The following DLL3 variants were observed in gnomAD, a reference collection of about 807,000 sequenced individuals.
DLL3 encodes the protein delta-like protein 3.
DLL3 carries 49 observed loss-of-function variants against 55.0 expected under a neutral mutation model. The observed-to-expected ratio is 0.89, with a 90% CI of 0.71 to 1.13. DLL3 has a LOEUF of 1.13. DLL3 is among the 50% of genes most tolerant of loss of function. The pLI is 0.00. For synonymous variants in DLL3, 421 were observed against 385.2 expected, an observed-to-expected ratio of 1.09 and a Z score of -1.09; for missense variants, 962 against 875.5, an observed-to-expected ratio of 1.10 and a Z score of -1.25.
intron 6 of DLL3, 59 bp from the exon 7 acceptor site, chr19:39,506,980 C>A: frequency 6.6e-7 from 1 of 1,505,418 alleles, no homozygotes; most frequent in South Asian, 1.2e-5. Context: ...TGGGAAACAG[C>A]GCGGGCAGGT....
Position 39,508,395 on chromosome 19 carries a change from A to T in DLL3, c.*138A>T. The T allele has an allele frequency of 1.1e-6, 1 of 939,610 alleles. No individual in the cohort carries two copies. The highest frequency in any genetic ancestry group is 1.7e-6 in the Non-Finnish European group (1 of 587,268). 58.2% of individuals were successfully genotyped at this position (939,610 alleles called of 1,614,324 possible). On this transcript the variant is annotated 3_prime_UTR_variant, in exon 9 of 9. Coordinates refer to ENST00000356433, the MANE Select transcript of DLL3 (RefSeq NM_203486.3). Reference sequence around the variant, plus strand: ...GGAACTTTACTGTTGCAAGTTGTAAATAATGGTTATTTATATCCTATTTTT... The same window carrying T: ...GGAACTTTACTGTTGCAAGTTGTAATTAATGGTTATTTATATCCTATTTTT...
rs746856386 is a variant in DLL3, at chr19:39,508,001, G to A, written c.1758+87G>A. The A allele has an allele frequency of 3.1e-6, 5 of 1,613,446 alleles. No individual in the cohort carries two copies. The highest frequency in any genetic ancestry group is 1.1e-5 in the South Asian group (1 of 90,994). The stretch of plus-strand genomic sequence containing the variant: ...TTTTTCCCTACCCTTCCTCGATTCT[G>A]TCCGTGAAATGAATTGGGTAGAGTC... On this transcript the variant is annotated intron_variant, in intron 8 of 8. Transcript: ENST00000356433.
Position 39,508,419 on chromosome 19 carries a change from T to G in DLL3, c.*162T>G. The G allele has an allele frequency of 1.3e-6, 1 of 790,186 alleles. No individual in the cohort carries two copies. 48.9% of individuals were successfully genotyped at this position (790,186 alleles called of 1,614,324 possible). A position where few individuals can be genotyped will look rare whatever the true frequency, so the allele number is the denominator to read the frequency against. The stretch of plus-strand genomic sequence containing the variant: ...AATAATGGTTATTTATATCCTATTT[T>G]TTCTCACCCCATCTCTCTAGAAACA... On this transcript the variant is annotated 3_prime_UTR_variant, in exon 9 of 9. Transcript: ENST00000356433.
Position 39,503,007 on chromosome 19 carries a change from G to C in DLL3, c.602G>C (p.Gly201Ala). The change falls in exon 4 of 9, where the codon GGT becomes GCT. Residue 201 changes from glycine to alanine, a missense_variant. Physicochemically the swap from Gly to Ala is moderately conservative, Grantham distance 60. Coordinates refer to ENST00000356433, the MANE Select transcript of DLL3 (RefSeq NM_203486.3). ...CCGCGCAGCGCCCCCTCGCGGTGCG[G>C]TCCGGGACTGCGCCCCTGCGCACCG... is the stretch of plus-strand genomic sequence containing the variant. Reference protein sequence around the residue: ...CRPRSAPSRCGPGLRPCAPLE... With the variant: ...CRPRSAPSRCAPGLRPCAPLE... 4.0e-6 allele frequency: 6 copies of C among 1,505,256 alleles called. No homozygotes were observed. The highest frequency in any genetic ancestry group is 4.4e-6 in the Non-Finnish European group (5 of 1,134,488). 93.2% of individuals were successfully genotyped at this position (1,505,256 alleles called of 1,614,324 possible). A position where few individuals can be genotyped will look rare whatever the true frequency, so the allele number is the denominator to read the frequency against.
At chr19:39,503,882 G>C (rs1410852318) in intron 4 of DLL3, among the ~76,000 whole-genome samples, 189 bp from the exon 5 acceptor site, 2 of 152,096 alleles carry the variant, frequency 1.3e-5, no homozygotes, top group South Asian at 4.1e-4. Context: ...CGTCTCTGTG[G>C]GCCTCAGTTT....
rs749430803 is a variant in DLL3 at position 39,507,910 on chromosome 19, G to C, written c.1754G>C (p.Arg585Pro). 3 of 1,614,112 alleles carry C rather than the reference G, an allele frequency of 1.9e-6. No individual in the cohort carries two copies. Among genetic ancestry groups the C allele is most frequent in the African/African-American group, 2.7e-5 (2 of 75,004 alleles). ...YVISAPSIYAREA is the reference protein window; with the variant it reads ...YVISAPSIYAPEA ...ATATCTGCTCCTTCCATCTACGCTCGGGAGGTAGCGACGCCCCTTTTCCCC... is the reference window on the plus strand; with the variant it reads ...ATATCTGCTCCTTCCATCTACGCTCCGGAGGTAGCGACGCCCCTTTTCCCC... The change falls in exon 8 of 9, where the codon CGG becomes CCG. Residue 585 changes from arginine to proline, a missense_variant. Coordinates refer to ENST00000356433, the MANE Select transcript of DLL3 (RefSeq NM_203486.3).
Position 39,499,306 on chromosome 19 carries a change from G to A in DLL3, c.184G>A (p.Val62Ile). The change falls in exon 2 of 9, where the codon GTC (valine) becomes ATC (isoleucine). Residue 62 changes from valine to isoleucine, a missense_variant. Coordinates refer to ENST00000356433, the MANE Select transcript of DLL3 (RefSeq NM_203486.3). ...ARLPCRLFFR[V>I]CLKPGLSEEA... The stretch of plus-strand genomic sequence containing the variant: ...GCTCCCCTGCCGCCTCTTCTTCAGA[G>A]TCTGCCTGAAGCCTGGGCTCTCAGA... 6.5e-7 allele frequency: 1 copy of A among 1,544,518 alleles called. No individual in the cohort carries two copies. Among genetic ancestry groups the A allele is most frequent in the South Asian group, 1.2e-5 (1 of 84,662 alleles).
At chr19:39,508,117 C>T (rs2079655948) in intron 8 of DLL3, 135 bp from the exon 9 acceptor site, 1 of 1,612,416 alleles carries the variant, frequency 6.2e-7, no homozygotes, top group Non-Finnish European at 8.5e-7. Context: ...GCCATCTTCT[C>T]TTTGAAAAAC....
rs775640643 is a variant in DLL3 at position 39,507,565 on chromosome 19, C to T, written c.1620C>T (p.Leu540=). ...CCCCGGAGCCGTCAGTCCACGCACTCCCGGATGCACTCAACAACCTAAGGA... is the reference window on the plus strand; with the variant it reads ...CCCCGGAGCCGTCAGTCCACGCACTTCCGGATGCACTCAACAACCTAAGGA... ...AGTPEPSVHA[L]PDALNNLRTQ... The change falls in exon 7 of 9, where the codon CTC becomes CTT. Residue 540 remains leucine (L), a synonymous_variant. Transcript: ENST00000356433. The T allele has an allele frequency of 1.6e-5, 25 of 1,608,626 alleles. No homozygotes were observed. Among genetic ancestry groups the T allele is most frequent in the Non-Finnish European group, 2.0e-5 (23 of 1,178,178 alleles).
At chr19:39,506,815 A>C (rs1293232094) in intron 6 of DLL3, among the ~76,000 whole-genome samples, 3 of 152,218 alleles carry the variant, frequency 2.0e-5, no homozygotes, top group Admixed American at 2.0e-4. Flanking sequence ...CGAAGGAAAA[A>C]GAGACAAGGG....
chr19:39,502,942 G>A lies in DLL3; in HGVS notation c.537G>A (p.Glu179=), dbSNP rs1194945817. 6.9e-7 allele frequency: 1 copy of A among 1,442,194 alleles called. No individual in the cohort carries two copies. The highest frequency in any genetic ancestry group is 9.1e-7 in the Non-Finnish European group (1 of 1,103,898). The allele number at this position is 1,442,194 out of a possible 1,614,324, so 89.3% of individuals were successfully genotyped here. The stretch of plus-strand genomic sequence containing the variant: ...GCTTCTCGTACCGCGCGCGCTGCGA[G>A]CCGCCTGCCGTCGGGACCGCGTGCA... ...ELRFSYRARC[E]PPAVGTACTR... The change falls in exon 4 of 9, where the codon GAG becomes GAA. Residue 179 remains glutamate, a synonymous_variant. Coordinates refer to ENST00000356433, the MANE Select transcript of DLL3 (RefSeq NM_203486.3).
chr19:39,499,062 G>C lies in DLL3; in HGVS notation c.69+19G>C. 6.2e-7 allele frequency: 1 copy of C among 1,614,138 alleles called. No homozygotes were observed. The highest frequency in any genetic ancestry group is 2.2e-5 in the East Asian group (1 of 44,864). On this transcript the variant is annotated intron_variant, in intron 1 of 8. Coordinates refer to ENST00000356433, the MANE Select transcript of DLL3 (RefSeq NM_203486.3). Reference sequence around the variant, plus strand: ...CCCCCAGGTCAGAGCCAGGTGGGAGGTGGCGTGGAAAGGGATGAATGCGGA... The same window carrying C: ...CCCCCAGGTCAGAGCCAGGTGGGAGCTGGCGTGGAAAGGGATGAATGCGGA...
chr19:39,500,632 C>G lies in DLL3; in HGVS notation c.369C>G (p.Ile123Met). ...CCAACCAGGGCACCTTCTCTTTCAT[C>G]ATCGAAACCTGGAGAGAGGAGTTAG... Reference protein sequence around the residue: ...RDAWPGTFSFIIETWREELGD... With the variant: ...RDAWPGTFSFMIETWREELGD... Residue 123 changes from isoleucine to methionine, a missense_variant, in exon 3 of 9, where the codon ATC becomes ATG. Coordinates refer to ENST00000356433, the MANE Select transcript of DLL3 (RefSeq NM_203486.3). 4.3e-6 allele frequency: 7 copies of G among 1,613,724 alleles called. No individual in the cohort carries two copies. Among genetic ancestry groups the G allele is most frequent in the Non-Finnish European group, 5.9e-6 (7 of 1,179,760 alleles).
rs192624990 is a variant in DLL3, at chr19:39,503,023, C to A, written c.618C>A (p.Pro206=). The A allele has an allele frequency of 1.3e-6, 2 of 1,516,226 alleles. No individual in the cohort carries two copies. Among genetic ancestry groups the A allele is most frequent in the East Asian group, 2.6e-5 (1 of 38,706 alleles). The allele number at this position is 1,516,226 out of a possible 1,614,324, so 93.9% of individuals were successfully genotyped here. A position where few individuals can be genotyped will look rare whatever the true frequency, so the allele number is the denominator to read the frequency against. ...APSRCGPGLR[P]CAPLEDECEA... is the part of the protein sequence containing the mutation. ...CGCGGTGCGGTCCGGGACTGCGCCC[C>A]TGCGCACCGCTCGAGGACGAATGTG... Residue 206 remains proline, a synonymous_variant, in exon 4 of 9, where the codon CCC becomes CCA. Transcript: ENST00000356433.
Position 39,503,657 on chromosome 19 carries a change from C to G in DLL3, c.653-414C>G, listed in dbSNP as rs1022765311. On this transcript the variant is annotated intron_variant, in intron 4 of 8. Transcript: ENST00000356433. ...AGGCCCCTAGGACTCCCAGGCTAAT[C>G]CAGATCTTCTCAGAGCCACCCTAAT... 1.3e-5 allele frequency among the ~76,000 whole-genome samples: 2 copies of G among 152,172 alleles called. 1 individual carries two copies. Among genetic ancestry groups the G allele is most frequent in the South Asian group, 4.1e-4 (2 of 4,834 alleles).
intron 2 of DLL3, among the ~76,000 whole-genome samples, 188 bp from the exon 3 acceptor site, chr19:39,500,427 C>CT (rs1360507715): frequency 2.1e-5 from 3 of 144,764 alleles, no homozygotes; most frequent in South Asian, 2.3e-4. Flanking sequence ...TTCTCCCCCC[C>CT]CCCCCAAAAA....
Position 39,499,270 on chromosome 19 carries a change from T to G in DLL3, c.148T>G (p.Cys50Gly). ...AGGCCCTGGGGCCCCGCGGTCCCCC[T>G]GCAGCGCCCGGCTCCCCTGCCGCCT... ...GPGPGAPRSP[C>G]SARLPCRLFF... The change falls in exon 2 of 9, where the codon TGC becomes GGC. Residue 50 changes from cysteine to glycine, a missense_variant. Physicochemically the swap from Cys to Gly is radical, Grantham distance 159 (BLOSUM62 -3). Coordinates refer to ENST00000356433, the MANE Select transcript of DLL3 (RefSeq NM_203486.3). 1 of 1,542,316 alleles carries G rather than the reference T, an allele frequency of 6.5e-7. No individual in the cohort carries two copies. The highest frequency in any genetic ancestry group is 8.7e-7 in the Non-Finnish European group (1 of 1,148,306).
rs1418550020 is a variant in DLL3 at position 39,506,891 on chromosome 19, C to G, written c.1094-148C>G. On this transcript the variant is annotated intron_variant, in intron 6 of 8. Coordinates refer to ENST00000356433, the MANE Select transcript of DLL3 (RefSeq NM_203486.3). ...AAACTTCATTAGGAAGAAAAGCGAGCTGGCTTTCCTGGCACACTCCAAGAC... is the reference window on the plus strand; with the variant it reads ...AAACTTCATTAGGAAGAAAAGCGAGGTGGCTTTCCTGGCACACTCCAAGAC... The G allele has an allele frequency of 1.6e-4, 117 of 731,954 alleles. 1 individual carries two copies. In the East Asian group the frequency reaches 3.8e-3, roughly 24 times the overall value. 45.3% of individuals were successfully genotyped at this position (731,954 alleles called of 1,614,324 possible). A position where few individuals can be genotyped will look rare whatever the true frequency, so the allele number is the denominator to read the frequency against.
intron 3 of DLL3, among the ~76,000 whole-genome samples, chr19:39,502,042 C>G (rs2079612159): frequency 6.6e-6 from 1 of 151,700 alleles, no homozygotes; most frequent in Non-Finnish European, 1.5e-5. Flanking sequence ...AAAAAATTAG[C>G]CGGGCGTGGT....
Sources: gnomAD v4.1 joint callset for allele counts (sites outside exome capture counted in the v4.1 genomes callset) on GRCh38, gnomAD v4.1.1 for gene constraint, MANE v1.5 for transcripts, NCBI Gene and HGNC (gene_info 2026-07-23, HGNC 2026-07-21) for gene names.